TMEM143: variants seen among roughly 807,000 people sequenced by gnomAD.
TMEM143 encodes transmembrane protein 143.
A neutral mutation model predicts 40.3 loss-of-function variants in TMEM143; 45 were observed. That is an observed-to-expected ratio of 1.12 (90% confidence interval 0.88 to 1.43). The LOEUF (loss-of-function observed/expected upper bound fraction) is 1.43. TMEM143 is among the 40% of genes most tolerant of loss of function. TMEM143 has a pLI of 0.00. For synonymous variants in TMEM143, 299 were observed against 282.7 expected (o/e 1.06, Z -0.58); for missense variants, 620 against 613.4 (o/e 1.01, Z -0.11).
chr19:48,336,053 A>G (rs1200670597), intron 6 of TMEM143, among the ~76,000 whole-genome samples: 7 of 152,086 alleles, frequency 4.6e-5, no homozygotes, highest in Non-Finnish European at 1.0e-4. Flanking sequence ...GTAAGGAGAA[A>G]TGAGGGCATC....
At chr19:48,363,694 C>T (rs1191700141) in intron 1 of TMEM143, 163 bp from the exon 2 acceptor site, 2 of 1,374,986 alleles carry the variant, frequency 1.5e-6, no homozygotes, top group Admixed American at 2.6e-5. Flanking sequence ...CCACACTGCT[C>T]AGTTGGCCTG....
chr19:48,342,717 T>A lies in TMEM143; in HGVS notation c.788A>T (p.Glu263Val). The change falls in exon 6 of 8, where the codon GAG becomes GTG. Residue 263 changes from glutamate (E) to valine (V), a missense_variant. Glu to Val is a moderately radical substitution (Grantham distance 121, BLOSUM62 -2). Coordinates refer to ENST00000293261, the MANE Select transcript of TMEM143 (RefSeq NM_018273.4). ...SFKDTPLEGL[E>V]QLLPELKVRT... Reference sequence around the variant, plus strand: ...CACCTTCAGCTCCGGCAGCAGCTGCTCCAGGCCTTCCAGCGGCGTGTCCTT... The same window carrying A: ...CACCTTCAGCTCCGGCAGCAGCTGCACCAGGCCTTCCAGCGGCGTGTCCTT... 6.2e-7 allele frequency: 1 copy of A among 1,614,122 alleles called. No homozygotes were observed. Among genetic ancestry groups the A allele is most frequent in the Non-Finnish European group, 8.5e-7 (1 of 1,179,996 alleles).
intron 5 of TMEM143, chr19:48,343,018 A>C (rs187843571): frequency 2.9e-6 from 2 of 700,384 alleles, no homozygotes; most frequent in Non-Finnish European, 4.6e-6. Flanking sequence ...TTGGACGTGC[A>C]GATTGTTTGT....
intron 1 of TMEM143, 91 bp downstream of exon 1, chr19:48,363,807 A>G: frequency 3.8e-6 from 6 of 1,594,080 alleles, no homozygotes; most frequent in Non-Finnish European, 5.2e-6. Context: ...AGCGAGGTAG[A>G]TCTTAGGAGA....
At position 48,333,957 on chromosome 19, in the gene TMEM143, G is replaced by T. The variant is rs1969278747; in HGVS notation, c.1165+51C>A. 1.4e-6 allele frequency: 2 copies of T among 1,461,532 alleles called. No individual in the cohort carries two copies. Among genetic ancestry groups the T allele is most frequent in the Admixed American group, 2.5e-5 (1 of 40,424 alleles). 90.5% of individuals were successfully genotyped at this position (1,461,532 alleles called of 1,614,324 possible). ...TGGGGACGCATCTCGCTGGGGCGGGGCCTCGCGGGGGTGTGGCCCCTGGGG... is the reference window on the plus strand; with the variant it reads ...TGGGGACGCATCTCGCTGGGGCGGGTCCTCGCGGGGGTGTGGCCCCTGGGG... On this transcript the variant is annotated intron_variant, in intron 7 of 7. Coordinates refer to ENST00000293261, the MANE Select transcript of TMEM143 (RefSeq NM_018273.4). The surrounding 1 kb of genome is among the most constrained non-coding windows in gnomAD (Gnocchi z 4.1).
intron 2 of TMEM143, among the ~76,000 whole-genome samples, chr19:48,362,572 C>T (rs1004911861): frequency 9.2e-5 from 14 of 152,090 alleles, no homozygotes; most frequent in African/African-American, 3.4e-4. Context: ...TCAAAATCCT[C>T]AATAATGACA....
intron 3 of TMEM143, among the ~76,000 whole-genome samples, chr19:48,350,835 T>C (rs113527924): frequency 0.22 from 30,839 of 143,026 alleles, 3,914 homozygotes; most frequent in Non-Finnish European, 0.29. Flanking sequence ...GGCAGGAGAA[T>C]TGCTTGTACT....
chr19:48,342,175 GAGGGGAGGGGAGA>G, intron 6 of TMEM143, among the ~76,000 whole-genome samples: 1 of 109,670 alleles, frequency 9.1e-6, no homozygotes, highest in African/African-American at 3.4e-5. Context: ...AGGGGAAGGG[GAGGGGAGGGGAGA>G]GGAGGGGAGG....
At chr19:48,343,135 T>C (rs1343788934) in intron 5 of TMEM143, 186 bp downstream of exon 5, 24 of 806,386 alleles carry the variant, frequency 3.0e-5, no homozygotes, top group Non-Finnish European at 4.2e-5. Context: ...TCTCTTCCCC[T>C]GGGAATCAAG....
At position 48,334,416 on chromosome 19, in the gene TMEM143, C is replaced by CTCTTTCTTTCTT. The variant is rs201875941; in HGVS notation, c.976-231_976-220dup. Among the ~76,000 whole-genome samples, 132 of 108,252 alleles carry CTCTTTCTTTCTT rather than the reference C, an allele frequency of 1.2e-3. 1 individual carries two copies. Among genetic ancestry groups the CTCTTTCTTTCTT allele is most frequent in the Middle Eastern group, 4.8e-3 (1 of 210 alleles). 71.0% of individuals were successfully genotyped at this position (108,252 alleles called of 152,430 possible). A position where few individuals can be genotyped will look rare whatever the true frequency, so the allele number is the denominator to read the frequency against. Reference sequence around the variant, plus strand: ...GTCTTTTCTTTTTCTTTCTTTTTCTCTCTTTCTTTCTTTCTTTCTTTCTTT... The same window carrying CTCTTTCTTTCTT: ...GTCTTTTCTTTTTCTTTCTTTTTCTCTCTTTCTTTCTTTCTTTCTTTCTTTCTTTCTTTCTTT... On this transcript the variant is annotated intron_variant, in intron 6 of 7. Transcript: ENST00000293261.
chr19:48,340,736 G>T (rs1969469612), intron 6 of TMEM143, among the ~76,000 whole-genome samples: 1 of 152,162 alleles, frequency 6.6e-6, no homozygotes, highest in Non-Finnish European at 1.5e-5. Context: ...CTCCATGGTT[G>T]CAGCTTACAG....
At chr19:48,342,962 G>GGTTGGACACAGCTGA in intron 5 of TMEM143, 153 bp from the exon 6 acceptor site, 2 of 959,012 alleles carry the variant, frequency 2.1e-6, no homozygotes, top group Non-Finnish European at 3.0e-6. Context: ...GATCAGCTGT[G>GGTTGGACACAGCTGA]TCCAACCACA....
chr19:48,348,745 A>G (rs1219834917), intron 3 of TMEM143, among the ~76,000 whole-genome samples: 2 of 152,176 alleles, frequency 1.3e-5, no homozygotes, highest in Non-Finnish European at 2.9e-5. Flanking sequence ...AGAATGACAC[A>G]TTTGACCATG....
Position 48,334,175 on chromosome 19 carries a change from G to T in TMEM143, c.998C>A (p.Ala333Glu). Residue 333 changes from alanine to glutamate, a missense_variant, in exon 7 of 8, where the codon GCG becomes GAG. By Grantham distance (107) the Ala-to-Glu change is moderately radical (BLOSUM62 -1). Coordinates refer to ENST00000293261, the MANE Select transcript of TMEM143 (RefSeq NM_018273.4). ...ASKMFGQRRS[A>E]QALELAHMLY... Reference sequence around the variant, plus strand: ...CATGTGCGCCAGCTCCAACGCCTGCGCGCTGCGCCGCTGCCCGAACATCTG... The same window carrying T: ...CATGTGCGCCAGCTCCAACGCCTGCTCGCTGCGCCGCTGCCCGAACATCTG... 6.2e-7 allele frequency: 1 copy of T among 1,604,838 alleles called. No individual in the cohort carries two copies. The highest frequency in any genetic ancestry group is 8.5e-7 in the Non-Finnish European group (1 of 1,176,306).
intron 3 of TMEM143, chr19:48,359,864 C>G: frequency 1.8e-6 from 1 of 550,530 alleles, no homozygotes; most frequent in Non-Finnish European, 3.2e-6. Context: ...CTTATCACCA[C>G]CAGGCATCAT....
rs1369895679 is a variant in TMEM143, at chr19:48,363,487, A to AC, written c.67dup (p.Val23GlyfsTer105). ...CCATACTCGGACCCTGGACCCCCAG[A>AC]CCCCCCGGGTCACATGCAGCATGGC... On this transcript the variant is annotated frameshift_variant, in exon 2 of 8. Coordinates refer to ENST00000293261, the MANE Select transcript of TMEM143 (RefSeq NM_018273.4). LOFTEE classifies it high-confidence loss of function. 1.9e-6 allele frequency: 3 copies of AC among 1,613,590 alleles called. No homozygotes were observed. Among genetic ancestry groups the AC allele is most frequent in the East Asian group, 2.2e-5 (1 of 44,874 alleles).
At chr19:48,356,068 G>A (rs1037928669) in intron 3 of TMEM143, among the ~76,000 whole-genome samples, 7 of 152,016 alleles carry the variant, frequency 4.6e-5, no homozygotes, top group Admixed American at 1.3e-4. Flanking sequence ...ACAGCTGGAC[G>A]CTCACGCCTG....
intron 6 of TMEM143, among the ~76,000 whole-genome samples, chr19:48,340,765 C>T (rs1418259727): frequency 2.0e-5 from 3 of 152,116 alleles, no homozygotes; most frequent in African/African-American, 4.8e-5. Flanking sequence ...CAGCTCCCTG[C>T]GGCTCTGAGG....
At chr19:48,336,600 G>A (rs1266727528) in intron 6 of TMEM143, among the ~76,000 whole-genome samples, 3 of 152,118 alleles carry the variant, frequency 2.0e-5, no homozygotes. Context: ...TACTCAGGAG[G>A]CTGAGGCAAG....
Sources: gnomAD v4.1 joint callset for allele counts (sites outside exome capture counted in the v4.1 genomes callset) on GRCh38, gnomAD v4.1.1 for gene constraint, Gnocchi (gnomAD v3.1) non-coding constraint, MANE v1.5 for transcripts, NCBI Gene and HGNC (gene_info 2026-07-23, HGNC 2026-07-21) for gene names.